Variants in FYB1 observed in about 807,000 individuals in gnomAD.
FYB1 encodes FYN binding protein 1.
Under a neutral mutation model 94.1 loss-of-function variants are expected in FYB1, and 41 were observed. That is an observed-to-expected ratio of 0.44 (90% confidence interval 0.34 to 0.57). The LOEUF (loss-of-function observed/expected upper bound fraction) is 0.57. FYB1 is among the 20% of genes least tolerant of loss of function. The probability of loss-of-function intolerance (pLI) is 0.02; values close to 1 mark genes in which losing one functional copy is unlikely to be tolerated. For synonymous variants in FYB1, 367 were observed against 353.2 expected (o/e 1.04, Z -0.44); for missense variants, 1,050 against 976.8 (o/e 1.07, Z -1.00).
chr5:39,216,060 G>A (rs985112191), intron 1 of FYB1, among the ~76,000 whole-genome samples: 6 of 152,116 alleles, frequency 3.9e-5, no homozygotes, highest in Non-Finnish European at 8.8e-5. Context: ...AGCTGGAAGA[G>A]GCCAGAAACG....
At chr5:39,263,884 T>C (rs776801942) in intron 1 of FYB1, among the ~76,000 whole-genome samples, 10 of 152,130 alleles carry the variant, frequency 6.6e-5, no homozygotes, top group Non-Finnish European at 1.0e-4. Flanking sequence ...ATGAAGCAGG[T>C]AATGGCACCC....
chr5:39,124,485 C>A (rs1464761387), intron 12 of FYB1, among the ~76,000 whole-genome samples: 2 of 152,072 alleles, frequency 1.3e-5, no homozygotes, highest in Non-Finnish European at 2.9e-5. Context: ...ATTTTTTGAA[C>A]CCCAAATGTT....
chr5:39,105,984 A>G lies in FYB1; in HGVS notation c.*1459T>C, dbSNP rs568557171. The G allele has an allele frequency of 6.6e-6, 1 of 152,250 alleles. No homozygotes were observed. Among genetic ancestry groups the G allele is most frequent in the East Asian group, 1.9e-4 (1 of 5,190 alleles). 9.4% of individuals were successfully genotyped at this position (152,250 alleles called of 1,614,324 possible). ...GAAGATTTTCAGTTCCTTTACAGTTATTTGAAATTATTTCAATTCTGTGGA... is the reference window on the plus strand; with the variant it reads ...GAAGATTTTCAGTTCCTTTACAGTTGTTTGAAATTATTTCAATTCTGTGGA... On this transcript the variant is annotated 3_prime_UTR_variant, in exon 19 of 19. Coordinates refer to ENST00000512982, the MANE Select transcript of FYB1 (RefSeq NM_001465.6).
upstream of FYB1, among the ~76,000 whole-genome samples, chr5:39,223,524 A>T (rs149669896): frequency 6.6e-6 from 1 of 152,358 alleles, no homozygotes; most frequent in East Asian, 1.9e-4. Flanking sequence ...TAAAAAAATC[A>T]TTCAAATGCT....
chr5:39,200,610 C>A (rs1460797182), intron 2 of FYB1, among the ~76,000 whole-genome samples: 1 of 152,138 alleles, frequency 6.6e-6, no homozygotes, highest in Non-Finnish European at 1.5e-5. Context: ...AAGGATGAAC[C>A]TTTCTGGAAG....
intron 1 of FYB1, among the ~76,000 whole-genome samples, chr5:39,214,745 T>C (rs548679677): frequency 6.6e-6 from 1 of 152,232 alleles, no homozygotes; most frequent in Non-Finnish European, 1.5e-5. Flanking sequence ...CTGGCCAACA[T>C]GGTGAAAACC....
Position 39,169,841 on chromosome 5 carries a change from T to C in FYB1, c.1136-16237A>G, listed in dbSNP as rs562796290. The C allele has an allele frequency of 2.6e-5, 14 of 532,648 alleles. No individual in the cohort carries two copies. The East Asian group carries it at 5.7e-4, about 22-fold the overall frequency. 33.0% of individuals were successfully genotyped at this position (532,648 alleles called of 1,614,324 possible). A position where few individuals can be genotyped will look rare whatever the true frequency, so the allele number is the denominator to read the frequency against. ...GTTTTGATGGTGGTTATACTGGGGT[T>C]CACAGAACTAACACTTGACGTCCAA... On this transcript the variant is annotated intron_variant, in intron 2 of 18. Transcript: ENST00000512982.
intron 3 of FYB1, among the ~76,000 whole-genome samples, chr5:39,145,037 A>G (rs991749547): frequency 6.6e-6 from 1 of 152,192 alleles, no homozygotes; most frequent in African/African-American, 2.4e-5. Flanking sequence ...TCAAAATAAT[A>G]TAAGAGGCAA....
At chr5:39,264,936 A>G (rs1440332846) in intron 1 of FYB1, among the ~76,000 whole-genome samples, 2 of 152,008 alleles carry the variant, frequency 1.3e-5, no homozygotes, top group Non-Finnish European at 2.9e-5. Context: ...TATTTTATTT[A>G]TTTGTTCACT....
intron 16 of FYB1, among the ~76,000 whole-genome samples, chr5:39,117,500 A>G (rs779296801): frequency 2.6e-5 from 4 of 152,126 alleles, no homozygotes; most frequent in Non-Finnish European, 5.9e-5. Flanking sequence ...ATCTTTCTAC[A>G]CATTATCTTC....
Position 39,130,586 on chromosome 5 carries a change from T to A in FYB1, c.1840+4A>T. ...AATGTCATTTTAAGAAGCGTGTGGC[T>A]TACCTCCACTTCCACTCTGACTGTG... is the stretch of plus-strand genomic sequence containing the variant. On this transcript the variant is annotated splice_donor_region_variant and intron_variant, in intron 10 of 18. Transcript: ENST00000512982. The A allele has an allele frequency of 6.4e-7, 1 of 1,572,454 alleles. No individual in the cohort carries two copies. The highest frequency in any genetic ancestry group is 8.6e-7 in the Non-Finnish European group (1 of 1,156,394).
intron 2 of FYB1, among the ~76,000 whole-genome samples, chr5:39,159,449 C>T (rs1344523625): frequency 2.0e-5 from 3 of 152,198 alleles, no homozygotes; most frequent in Non-Finnish European, 2.9e-5. Flanking sequence ...CACATACAGT[C>T]ATTTGCATCT....
intron 1 of FYB1, among the ~76,000 whole-genome samples, chr5:39,243,954 G>T (rs1751340280): frequency 6.6e-6 from 1 of 152,130 alleles, no homozygotes; most frequent in Non-Finnish European, 1.5e-5. Flanking sequence ...TCTGTTATTG[G>T]TGTATAAGAA....
At chr5:39,209,354 C>A (rs1043782784) in intron 1 of FYB1, among the ~76,000 whole-genome samples, 4 of 150,498 alleles carry the variant, frequency 2.7e-5, no homozygotes, top group African/African-American at 9.8e-5. Flanking sequence ...TGAGACGGAG[C>A]CTCCCTCTAT....
At chr5:39,140,539 T>C (rs1444052706) in intron 4 of FYB1, among the ~76,000 whole-genome samples, 2 of 152,236 alleles carry the variant, frequency 1.3e-5, no homozygotes, top group Non-Finnish European at 2.9e-5. Context: ...TCGGTCAACC[T>C]AAGTATTCCA....
At chr5:39,271,728 CCA>C (rs1395831929) in intron 1 of FYB1, among the ~76,000 whole-genome samples, 1 of 152,024 alleles carries the variant, frequency 6.6e-6, no homozygotes, top group African/African-American at 2.4e-5. Context: ...GGGTTGAGTT[CCA>C]GAAGTAGAAA....
chr5:39,205,824 G>C (rs1011332562), intron 1 of FYB1, among the ~76,000 whole-genome samples: 2 of 152,120 alleles, frequency 1.3e-5, no homozygotes, highest in African/African-American at 4.8e-5. Flanking sequence ...TATCCTCTCT[G>C]AGGCTCAGTT....
At chr5:39,129,113 A>G (rs966161635) in intron 10 of FYB1, among the ~76,000 whole-genome samples, 1 of 152,098 alleles carries the variant, frequency 6.6e-6, no homozygotes, top group Non-Finnish European at 1.5e-5. Flanking sequence ...AAATAGAAAC[A>G]AAAACCAATG....
intron 1 of FYB1, among the ~76,000 whole-genome samples, chr5:39,258,600 AAAAAC>A (rs1328301365): frequency 6.6e-6 from 1 of 152,112 alleles, no homozygotes; most frequent in Non-Finnish European, 1.5e-5. Flanking sequence ...ACCCTGTGTC[AAAAAC>A]AAAACAAAAC....
Sources: allele counts gnomAD v4.1 joint callset (sites outside exome capture counted in the v4.1 genomes callset), GRCh38; gene constraint gnomAD v4.1.1; transcripts MANE v1.5; gene names NCBI Gene and HGNC (gene_info 2026-07-23, HGNC 2026-07-21).